The following TAFA5 variants were observed in gnomAD, a reference collection of about 807,000 sequenced individuals.
The protein encoded by TAFA5 is chemokine-like protein TAFA-5.
TAFA5 carries 6 observed loss-of-function variants against 15.3 expected under a neutral mutation model. The ratio of observed to expected loss-of-function variants is 0.39; its 90% CI spans 0.21 to 0.77. The LOEUF is 0.77. Ranked by LOEUF, TAFA5 falls within the 30% of genes least tolerant of loss-of-function variation. The pLI is 0.41. For synonymous variants in TAFA5, 103 were observed against 80.7 expected, an observed-to-expected ratio of 1.28 and a Z score of -1.48; for missense variants, 161 against 193.1, an observed-to-expected ratio of 0.83 and a Z score of 0.98.
rs1304152790 is a variant in TAFA5 at position 48,566,003 on chromosome 22, A to G, written c.112+76299A>G. On this transcript the variant is annotated intron_variant, in intron 1 of 3. Coordinates refer to ENST00000402357, the MANE Select transcript of TAFA5 (RefSeq NM_001082967.3). The surrounding 1 kb of genome is among the most constrained non-coding windows in gnomAD (Gnocchi z 4.5). Reference sequence around the variant, plus strand: ...GGATGGATGGACAGATGGATGTATGATGGATGGATTGTGGCTAGATGGATG... The same window carrying G: ...GGATGGATGGACAGATGGATGTATGGTGGATGGATTGTGGCTAGATGGATG... 6.6e-6 allele frequency among the ~76,000 whole-genome samples: 1 copy of G among 150,854 alleles called. No homozygotes were observed. The highest frequency in any genetic ancestry group is 1.5e-5 in the Non-Finnish European group (1 of 67,742).
At chr22:48,700,829 AT>A (rs1263607409) in intron 2 of TAFA5, among the ~76,000 whole-genome samples, 1 of 152,160 alleles carries the variant, frequency 6.6e-6, no homozygotes. Flanking sequence ...ACAAGTTCAG[AT>A]GTCTGATCCT....
At chr22:48,627,543 G>A (rs1001258314) in intron 1 of TAFA5, among the ~76,000 whole-genome samples, 4 of 152,256 alleles carry the variant, frequency 2.6e-5, no homozygotes, top group Non-Finnish European at 2.9e-5. Flanking sequence ...GTTCCATCCC[G>A]CTGTGCTTGG....
rs574275713 is a variant in TAFA5 at position 48,633,748 on chromosome 22, C to T, written c.113-12849C>T. On this transcript the variant is annotated intron_variant, in intron 1 of 3. Coordinates refer to ENST00000402357, the MANE Select transcript of TAFA5 (RefSeq NM_001082967.3). ...CATGTGAGTGCGTTTGTTTAAATGA[C>T]TTGTGGAAAGTTACATATTAAGTCA... Among the ~76,000 whole-genome samples, 5 of 152,184 alleles carry T rather than the reference C, an allele frequency of 3.3e-5. No individual in the cohort carries two copies. The East Asian group carries it at 9.7e-4, about 29-fold the overall frequency.
At chr22:48,529,185 T>C (rs1921878045) in intron 1 of TAFA5, among the ~76,000 whole-genome samples, 2 of 149,888 alleles carry the variant, frequency 1.3e-5, no homozygotes, top group African/African-American at 4.9e-5. Flanking sequence ...AGGCAGGAGA[T>C]GAGGGTGTCC....
chr22:48,511,710 G>T (rs1921218915), intron 1 of TAFA5, among the ~76,000 whole-genome samples: 1 of 152,242 alleles, frequency 6.6e-6, no homozygotes, highest in African/African-American at 2.4e-5. Flanking sequence ...GCACACACAG[G>T]CCCTGACGCA....
Position 48,742,055 on chromosome 22 carries a change from G to A in TAFA5, c.391-7784G>A, listed in dbSNP as rs900017425. ...ATCCCGTGTTACAGACGGGGAAACT[G>A]GGGCTCCCAGAGGCTCCAGCTGGGA... On this transcript the variant is annotated intron_variant, in intron 3 of 3. Coordinates refer to ENST00000402357, the MANE Select transcript of TAFA5 (RefSeq NM_001082967.3). This position sits in a 1 kb window ranked among gnomAD's most constrained non-coding sequence, Gnocchi z 6.2. 3.3e-5 allele frequency among the ~76,000 whole-genome samples: 5 copies of A among 151,936 alleles called. No individual in the cohort carries two copies. The highest frequency in any genetic ancestry group is 4.9e-5 in the African/African-American group (2 of 41,194).
chr22:48,557,460 C>G (rs1254449271), intron 1 of TAFA5, among the ~76,000 whole-genome samples: 18 of 152,178 alleles, frequency 1.2e-4, no homozygotes, highest in Non-Finnish European at 1.5e-5. Flanking sequence ...CTGAGCGATG[C>G]TGGGGACAGG....
At chr22:48,748,529 C>G (rs757427917) in intron 3 of TAFA5, among the ~76,000 whole-genome samples, 3 of 152,212 alleles carry the variant, frequency 2.0e-5, no homozygotes, top group Non-Finnish European at 4.4e-5. Flanking sequence ...CTGAGGCTCC[C>G]TGTCTCAAAG....
At chr22:48,678,419 G>T (rs530375601) in intron 2 of TAFA5, among the ~76,000 whole-genome samples, 2 of 152,318 alleles carry the variant, frequency 1.3e-5, no homozygotes, top group South Asian at 4.1e-4. Context: ...GTGTCTCAGG[G>T]CCCTGTGCAG....
At chr22:48,728,068 T>C (rs1929762138) in intron 3 of TAFA5, among the ~76,000 whole-genome samples, 1 of 152,238 alleles carries the variant, frequency 6.6e-6, no homozygotes, top group African/African-American at 2.4e-5. Context: ...TTTTGAATAC[T>C]ACAATTAACT....
intron 1 of TAFA5, among the ~76,000 whole-genome samples, chr22:48,509,060 G>T (rs1377986632): frequency 6.6e-6 from 1 of 152,172 alleles, no homozygotes; most frequent in Admixed American, 6.5e-5. Context: ...AGAACAGGAG[G>T]TATTTATCTT....
At chr22:48,567,825 C>A (rs1213654287) in intron 1 of TAFA5, among the ~76,000 whole-genome samples, 1 of 152,150 alleles carries the variant, frequency 6.6e-6, no homozygotes, top group South Asian at 2.1e-4. Flanking sequence ...GGAATGAGGT[C>A]TCACAGGATG....
intron 2 of TAFA5, among the ~76,000 whole-genome samples, chr22:48,649,031 A>G (rs2147204335): frequency 6.6e-6 from 1 of 152,286 alleles, no homozygotes; most frequent in Non-Finnish European, 1.5e-5. Flanking sequence ...CTGTGCAGGA[A>G]CAGGCCAGGC....
chr22:48,501,122 G>C (rs1472694702), intron 1 of TAFA5, among the ~76,000 whole-genome samples: 11 of 152,066 alleles, frequency 7.2e-5, no homozygotes, highest in Admixed American at 7.2e-4. Flanking sequence ...TGCCTTTCTC[G>C]GGCTGTGAGT....
chr22:48,624,337 C>T (rs1025645808), intron 1 of TAFA5, among the ~76,000 whole-genome samples: 15 of 152,124 alleles, frequency 9.9e-5, no homozygotes, highest in Non-Finnish European at 1.9e-4. Context: ...AGGTTCCTGC[C>T]CTGTGAGGTC....
intron 1 of TAFA5, among the ~76,000 whole-genome samples, chr22:48,567,888 C>T (rs999100494): frequency 2.0e-5 from 3 of 152,162 alleles, no homozygotes; most frequent in African/African-American, 4.8e-5. Flanking sequence ...AGGTGCTGGG[C>T]AGGCCTGGGA....
At chr22:48,503,847 G>A (rs188023229) in intron 1 of TAFA5, among the ~76,000 whole-genome samples, 92 of 152,292 alleles carry the variant, frequency 6.0e-4, no homozygotes, top group African/African-American at 2.1e-3. Context: ...ACGTCAGGTG[G>A]CTTTTGTCTG....
At chr22:48,741,135 A>C (rs1165868203) in intron 3 of TAFA5, among the ~76,000 whole-genome samples, 1 of 152,110 alleles carries the variant, frequency 6.6e-6, no homozygotes, top group Non-Finnish European at 1.5e-5. Flanking sequence ...ACAGATGGAG[A>C]AAATGAGGCT....
At chr22:48,645,192 C>G (rs1231034457) in intron 1 of TAFA5, among the ~76,000 whole-genome samples, 1 of 152,204 alleles carries the variant, frequency 6.6e-6, no homozygotes, top group Non-Finnish European at 1.5e-5. Context: ...ACTCACCGTT[C>G]AGGGCAGATT....
Sources: gnomAD v4.1 joint callset for allele counts (sites outside exome capture counted in the v4.1 genomes callset) on GRCh38, gnomAD v4.1.1 for gene constraint, Gnocchi (gnomAD v3.1) non-coding constraint, MANE v1.5 for transcripts, NCBI Gene and HGNC (gene_info 2026-07-23, HGNC 2026-07-21) for gene names.